PRPSAP2: variants seen among roughly 807,000 people sequenced by gnomAD.
PRPSAP2 encodes the protein phosphoribosyl pyrophosphate synthase-associated protein 2.
In PRPSAP2, 24 loss-of-function variants were observed where a neutral mutation model predicts 40.6. The ratio of observed to expected loss-of-function variants is 0.59; its 90% CI spans 0.43 to 0.83. PRPSAP2 has a LOEUF of 0.83. Ranked by LOEUF, PRPSAP2 falls within the 40% of genes least tolerant of loss-of-function variation. The probability of loss-of-function intolerance (pLI) is 0.00; values close to 1 mark genes in which losing one functional copy is unlikely to be tolerated. For missense variants in PRPSAP2, 292 were observed against 465.6 expected, an observed-to-expected ratio of 0.63 and a Z score of 3.43; for synonymous variants, 149 against 164.7, an observed-to-expected ratio of 0.90 and a Z score of 0.73.
At chr17:18,928,161 G>A (rs1049835733) in intron 10 of PRPSAP2, 2 of 154,730 alleles carry the variant, frequency 1.3e-5, no homozygotes, top group African/African-American at 2.4e-5. Flanking sequence ...ATAAAGACAC[G>A]AATATTTATT....
chr17:18,917,584 A>ATTATT (rs2041427218), intron 9 of PRPSAP2: 1 of 32,364 alleles, frequency 3.1e-5, no homozygotes, highest in African/African-American at 1.2e-4. Context: ...TATTATTATT[A>ATTATT]TTTTTTTTTT....
chr17:18,873,256 C>T lies in PRPSAP2; in HGVS notation c.239+607C>T, dbSNP rs76454335. ...TTGCCCAGGCTGGAGTGCAATGACG[C>T]GATCTCGGCTTACCGCAACCTCAGC... On this transcript the variant is annotated intron_variant, in intron 5 of 11. Transcript: ENST00000268835. 6.9e-3 allele frequency among the ~76,000 whole-genome samples: 1,019 copies of T among 148,216 alleles called. 36 individuals carry two copies. Among genetic ancestry groups the T allele is most frequent in the Admixed American group, 0.049 (723 of 14,634 alleles).
At chr17:18,898,048 G>A (rs915424709) in intron 8 of PRPSAP2, among the ~76,000 whole-genome samples, 5 of 140,286 alleles carry the variant, frequency 3.6e-5, no homozygotes, top group Non-Finnish European at 7.6e-5. Context: ...CACCAGGTTG[G>A]AGTGCAGTGG....
At chr17:18,875,468 G>A (rs560721524) in intron 5 of PRPSAP2, among the ~76,000 whole-genome samples, 10 of 152,096 alleles carry the variant, frequency 6.6e-5, no homozygotes, top group African/African-American at 2.4e-4. Flanking sequence ...AGGTGGCTGA[G>A]GCACGAGAAT....
At chr17:18,867,482 GT>G in intron 4 of PRPSAP2, 148 bp downstream of exon 4, 4 of 885,584 alleles carry the variant, frequency 4.5e-6, no homozygotes, top group Non-Finnish European at 6.9e-6. Flanking sequence ...GAACAGAGTG[GT>G]TTTTTAGCTC....
At position 18,869,834 on chromosome 17, in the gene PRPSAP2, CTTTTTT is replaced by C. The variant is rs146119397; in HGVS notation, c.172+2504_172+2509del. ...CTCACAATCTGTTCCCATTTTGCTA[CTTTTTT>C]TTTGTGTGTGTGTGTGTGTGTGTGT... On this transcript the variant is annotated intron_variant, in intron 4 of 11. Transcript: ENST00000268835. Among the ~76,000 whole-genome samples the C allele has an allele frequency of 7.3e-4, 105 of 143,234 alleles. 3 individuals carry two copies. Among genetic ancestry groups the C allele is most frequent in the Middle Eastern group, 3.5e-3 (1 of 282 alleles). The allele number at this position is 143,234 out of a possible 152,430, so 94.0% of individuals were successfully genotyped here.
intron 7 of PRPSAP2, among the ~76,000 whole-genome samples, chr17:18,883,687 T>C (rs1235119613): frequency 6.6e-6 from 1 of 151,988 alleles, no homozygotes; most frequent in East Asian, 1.9e-4. Flanking sequence ...CACCTGGCCT[T>C]AGCGGTTTTT....
chr17:18,878,193 G>A (rs1292717885), intron 6 of PRPSAP2, among the ~76,000 whole-genome samples: 2 of 152,166 alleles, frequency 1.3e-5, no homozygotes, highest in African/African-American at 4.8e-5. Context: ...TGAGATTATA[G>A]TCATGAACCA....
In PRPSAP2 at chr17:18,862,451, T is replaced by TA. The variant is rs60291020; in HGVS notation, c.-128-3010dup. ...CTTCTTATTTGAAGGTTAGGGGGTG[T>TA]AAAAAAAATGCCCCTCCCCCCATGG... On this transcript the variant is annotated intron_variant, in intron 1 of 11. Coordinates refer to ENST00000268835, the MANE Select transcript of PRPSAP2 (RefSeq NM_002767.4). Among the ~76,000 whole-genome samples, 152 of 151,342 alleles carry TA rather than the reference T, an allele frequency of 1.0e-3. 1 individual carries two copies. Among genetic ancestry groups the TA allele is most frequent in the African/African-American group, 3.0e-3 (122 of 41,220 alleles).
At chr17:18,859,115 G>A (rs1435330606) in intron 1 of PRPSAP2, among the ~76,000 whole-genome samples, 1 of 152,132 alleles carries the variant, frequency 6.6e-6, no homozygotes, top group Non-Finnish European at 1.5e-5. Context: ...CTTTACACAG[G>A]TCTGGTGTAC....
At chr17:18,920,611 G>A (rs748064665) in intron 9 of PRPSAP2, among the ~76,000 whole-genome samples, 3 of 152,100 alleles carry the variant, frequency 2.0e-5, no homozygotes, top group Non-Finnish European at 4.4e-5. Flanking sequence ...GGAAAAGAAA[G>A]CATTCTTCCT....
chr17:18,883,332 C>G (rs1047809938), intron 7 of PRPSAP2, among the ~76,000 whole-genome samples: 3 of 150,922 alleles, frequency 2.0e-5, no homozygotes, highest in African/African-American at 4.9e-5. Flanking sequence ...TTGTGACTTA[C>G]TATTTAAGAA....
At chr17:18,906,297 C>G (rs1050889118) in intron 8 of PRPSAP2, among the ~76,000 whole-genome samples, 1 of 152,066 alleles carries the variant, frequency 6.6e-6, no homozygotes, top group Admixed American at 6.6e-5. Context: ...CTCAGTGCAG[C>G]CTTGACCTTC....
intron 11 of PRPSAP2, 22 bp from the exon 12 acceptor site, chr17:18,930,518 T>G (rs2042207453): frequency 1.9e-6 from 3 of 1,601,508 alleles, no homozygotes; most frequent in Non-Finnish European, 2.6e-6. Flanking sequence ...GATGCTGTGG[T>G]TTTTTTTCTT....
intron 9 of PRPSAP2, among the ~76,000 whole-genome samples, chr17:18,922,652 CAT>C (rs151228953): frequency 1.4e-5 from 2 of 140,522 alleles, no homozygotes; most frequent in Non-Finnish European, 1.5e-5. Context: ...GCATATGGCG[CAT>C]ATATATATAT....
intron 1 of PRPSAP2, among the ~76,000 whole-genome samples, chr17:18,860,252 C>G (rs1045740640): frequency 6.6e-6 from 1 of 151,404 alleles, no homozygotes; most frequent in Admixed American, 6.6e-5. Context: ...GTAGGGGTTT[C>G]GCCTTGTTGA....
chr17:18,889,753 A>G lies in PRPSAP2; in HGVS notation c.529-69A>G. Reference sequence around the variant, plus strand: ...TTGGAAAACTTTCAACTAGCCAAGCATTTTTGGGTCTGTTGGAATTTTCCT... The same window carrying G: ...TTGGAAAACTTTCAACTAGCCAAGCGTTTTTGGGTCTGTTGGAATTTTCCT... On this transcript the variant is annotated intron_variant, in intron 7 of 11. Transcript: ENST00000268835. The G allele has an allele frequency of 2.3e-6, 3 of 1,291,066 alleles. No homozygotes were observed. In the South Asian group the frequency reaches 4.6e-5, roughly 20 times the overall value. 80.0% of individuals were successfully genotyped at this position (1,291,066 alleles called of 1,614,324 possible).
chr17:18,858,965 G>T (rs1248306953), intron 1 of PRPSAP2, among the ~76,000 whole-genome samples: 1 of 152,028 alleles, frequency 6.6e-6, no homozygotes, highest in Non-Finnish European at 1.5e-5. Flanking sequence ...TTCCTTTCCT[G>T]CTGCCCTCGT....
chr17:18,885,402 A>AC (rs1474065457), intron 7 of PRPSAP2, among the ~76,000 whole-genome samples: 2 of 135,700 alleles, frequency 1.5e-5, no homozygotes, highest in African/African-American at 5.9e-5. Context: ...ATTCCTTCTC[A>AC]CAAAAAAAAA....
Sources: allele counts gnomAD v4.1 joint callset (sites outside exome capture counted in the v4.1 genomes callset), GRCh38; gene constraint gnomAD v4.1.1; transcripts MANE v1.5; gene names NCBI Gene and HGNC (gene_info 2026-07-23, HGNC 2026-07-21).